Variants in PTPRC observed in about 807,000 individuals in gnomAD.
PTPRC encodes receptor-type tyrosine-protein phosphatase C.
PTPRC carries 44 observed loss-of-function variants against 155.9 expected under a neutral mutation model. That is an observed-to-expected ratio of 0.28 (90% CI 0.22 to 0.36). PTPRC has a LOEUF of 0.36. Ranked by LOEUF, PTPRC falls within the 10% of genes least tolerant of loss-of-function variation. The probability of loss-of-function intolerance (pLI) is 1.00; values close to 1 mark genes in which losing one functional copy is unlikely to be tolerated. For synonymous variants in PTPRC, 525 were observed against 533.1 expected (o/e 0.98, Z 0.21); for missense variants, 1,401 against 1,564.6 (o/e 0.90, Z 1.76).
chr1:198,703,138 T>C (rs976713485), intron 6 of PTPRC, among the ~76,000 whole-genome samples, 160 bp from the exon 7 acceptor site: 6 of 152,250 alleles, frequency 3.9e-5, no homozygotes, highest in Admixed American at 3.9e-4. Flanking sequence ...AATAAATCTT[T>C]GATTCACTTT....
intron 7 of PTPRC, among the ~76,000 whole-genome samples, chr1:198,704,078 A>G (rs3736931): frequency 0.021 from 3,177 of 152,274 alleles, 178 homozygotes; most frequent in East Asian, 0.19. Flanking sequence ...TTTTATGTAA[A>G]TGAAAAGTAT....
chr1:198,709,869 C>G (rs543252642), intron 11 of PTPRC, 45 bp downstream of exon 11: 1 of 1,596,198 alleles, frequency 6.3e-7, no homozygotes, highest in Non-Finnish European at 8.6e-7. Flanking sequence ...CTTCTCTCTT[C>G]ATGTTCTTAT....
chr1:198,757,196 A>T lies in PTPRC; in HGVS notation c.*1015A>T, dbSNP rs1318436441. ...AACTTTCATTAAAGCATTTACTTTG[A>T]ATTTCTCCAATGCTTAGAATGTTTT... On this transcript the variant is annotated 3_prime_UTR_variant, in exon 33 of 33. Coordinates refer to ENST00000442510, the MANE Select transcript of PTPRC (RefSeq NM_002838.5). The T allele has an allele frequency of 2.0e-5, 3 of 151,790 alleles. No individual in the cohort carries two copies. The allele number at this position is 151,790 out of a possible 1,614,324, so 9.4% of individuals were successfully genotyped here. A position where few individuals can be genotyped will look rare whatever the true frequency, so the allele number is the denominator to read the frequency against.
chr1:198,693,868 A>G, intron 3 of PTPRC: 1 of 1,021,340 alleles, frequency 9.8e-7, no homozygotes, highest in East Asian at 3.2e-5. Context: ...CTTGGCTAGA[A>G]GTAATCTTTA....
At chr1:198,655,103 A>C (rs1158551493) in intron 2 of PTPRC, among the ~76,000 whole-genome samples, 1 of 151,970 alleles carries the variant, frequency 6.6e-6, no homozygotes, top group Non-Finnish European at 1.5e-5. Flanking sequence ...AATAACAAAT[A>C]AGAATACCTT....
intron 28 of PTPRC, chr1:198,750,239 T>C (rs1167476841): frequency 4.2e-6 from 2 of 479,812 alleles, no homozygotes; most frequent in African/African-American, 2.0e-5. Flanking sequence ...GTGTGTCTTT[T>C]GTGGAAAGGA....
chr1:198,749,622 T>A, intron 28 of PTPRC, 73 bp downstream of exon 28: 1 of 1,433,690 alleles, frequency 7.0e-7, no homozygotes, highest in South Asian at 1.2e-5. Context: ...GGGCCATTCA[T>A]TAAGCGATTT....
At chr1:198,710,472 C>T (rs1238678889) in intron 11 of PTPRC, among the ~76,000 whole-genome samples, 1 of 152,152 alleles carries the variant, frequency 6.6e-6, no homozygotes, top group Non-Finnish European at 1.5e-5. Context: ...TATAAAGAAG[C>T]CATCTGGGAT....
At chr1:198,708,061 T>C (rs945480799) in intron 9 of PTPRC, 72 bp from the exon 10 acceptor site, 2 of 1,421,374 alleles carry the variant, frequency 1.4e-6, no homozygotes, top group Admixed American at 3.5e-5. Context: ...ACTGACATGT[T>C]AGGAATGAAT....
intron 16 of PTPRC, 103 bp downstream of exon 16, chr1:198,728,551 T>G: frequency 7.1e-7 from 1 of 1,403,418 alleles, no homozygotes; most frequent in East Asian, 2.5e-5. Context: ...ATATGTGAAC[T>G]AGAGAGAAGA....
At chr1:198,751,587 T>C (rs1655386332) in intron 29 of PTPRC, among the ~76,000 whole-genome samples, 1 of 152,030 alleles carries the variant, frequency 6.6e-6, no homozygotes, top group Non-Finnish European at 1.5e-5. Context: ...ATTCCCACAA[T>C]CCTTTCCTTC....
At chr1:198,654,543 T>C (rs1339449059) in intron 2 of PTPRC, among the ~76,000 whole-genome samples, 1 of 151,812 alleles carries the variant, frequency 6.6e-6, no homozygotes, top group East Asian at 1.9e-4. Flanking sequence ...TGTCCTATTT[T>C]ACAATTGTAG....
intron 15 of PTPRC, among the ~76,000 whole-genome samples, chr1:198,725,970 G>A (rs1184160504): frequency 1.3e-5 from 2 of 152,094 alleles, no homozygotes; most frequent in Admixed American, 6.5e-5. Context: ...GGCATTTTCA[G>A]TTTTTTAATA....
In PTPRC at chr1:198,683,396, G is replaced by A. The variant is rs142397590; in HGVS notation, c.74-8951G>A. Among the ~76,000 whole-genome samples the A allele has an allele frequency of 3.0e-4, 45 of 152,106 alleles. No homozygotes were observed. The East Asian group carries it at 7.5e-3, about 25-fold the overall frequency. Reference sequence around the variant, plus strand: ...AGCTACAAAAACATACACTTACTAAGGGATTAATATAATTAAATGGTTTTT... The same window carrying A: ...AGCTACAAAAACATACACTTACTAAAGGATTAATATAATTAAATGGTTTTT... On this transcript the variant is annotated intron_variant, in intron 2 of 32. Transcript: ENST00000442510.
intron 26 of PTPRC, 33 bp from the exon 27 acceptor site, chr1:198,748,076 A>G: frequency 6.3e-7 from 1 of 1,579,088 alleles, no homozygotes; most frequent in East Asian, 2.3e-5. Context: ...TTACATTTTA[A>G]AGGAGTTTTT....
intron 26 of PTPRC, among the ~76,000 whole-genome samples, chr1:198,744,529 A>G (rs1261656679): frequency 6.6e-6 from 1 of 151,916 alleles, no homozygotes; most frequent in East Asian, 1.9e-4. Flanking sequence ...AATACAGCAT[A>G]TCACCTTTAA....
At chr1:198,640,047 TAAACTCTTAAAAATCA>T (rs1662485843) in intron 2 of PTPRC, among the ~76,000 whole-genome samples, 1 of 152,002 alleles carries the variant, frequency 6.6e-6, no homozygotes, top group Non-Finnish European at 1.5e-5. Context: ...TAGAAATATT[TAAACTCTTAAAAATCA>T]TGCAAATGCT....
At chr1:198,662,469 TGTGTGTGTGAGA>T (rs1177362052) in intron 2 of PTPRC, among the ~76,000 whole-genome samples, 5 of 130,388 alleles carry the variant, frequency 3.8e-5, no homozygotes, top group Non-Finnish European at 6.5e-5. Flanking sequence ...TGTGTGTGTG[TGTGTGTGTGAGA>T]GTGTGTGTGT....
chr1:198,656,660 T>TG (rs1557971799), intron 2 of PTPRC, among the ~76,000 whole-genome samples: 5 of 151,486 alleles, frequency 3.3e-5, no homozygotes. Context: ...TTTGTTTTTT[T>TG]TTTTTTTGTC....
Sources: gnomAD v4.1 joint callset for allele counts (sites outside exome capture counted in the v4.1 genomes callset) on GRCh38, gnomAD v4.1.1 for gene constraint, MANE v1.5 for transcripts, NCBI Gene and HGNC (gene_info 2026-07-23, HGNC 2026-07-21) for gene names.